ADGRB3: variants seen among roughly 807,000 people sequenced by gnomAD.
The protein encoded by ADGRB3 is brain-specific angiogenesis inhibitor 3.
A neutral mutation model predicts 193.4 loss-of-function variants in ADGRB3; 37 were observed. That is an observed-to-expected ratio of 0.19 (90% confidence interval 0.15 to 0.25). The LOEUF is 0.25. ADGRB3 is among the 10% of genes least tolerant of loss of function. The probability of loss-of-function intolerance (pLI) is 1.00; values close to 1 mark genes in which losing one functional copy is unlikely to be tolerated. For missense variants in ADGRB3, 1,637 were observed against 1,852.9 expected (o/e 0.88, Z 2.14); for synonymous variants, 690 against 644.2 (o/e 1.07, Z -1.08).
chr6:68,852,613 G>A (rs1458379363), intron 3 of ADGRB3, among the ~76,000 whole-genome samples: 1 of 151,924 alleles, frequency 6.6e-6, no homozygotes, highest in East Asian at 1.9e-4. Flanking sequence ...TTTAAAAAAA[G>A]CTCCACCATT....
chr6:68,930,726 A>C, intron 4 of ADGRB3, 57 bp downstream of exon 4: 1 of 1,246,668 alleles, frequency 8.0e-7, no homozygotes. Context: ...AAACCACTGC[A>C]TGTTTTCATA....
intron 3 of ADGRB3, among the ~76,000 whole-genome samples, chr6:68,908,556 C>G (rs935125545): frequency 6.6e-6 from 1 of 152,078 alleles, no homozygotes; most frequent in African/African-American, 2.4e-5. Flanking sequence ...CAACCTCACC[C>G]AATCACAGTC....
chr6:68,741,909 C>G (rs778610098), intron 3 of ADGRB3, among the ~76,000 whole-genome samples: 12 of 152,150 alleles, frequency 7.9e-5, no homozygotes, highest in Admixed American at 7.2e-4. Flanking sequence ...AATTCATTAT[C>G]ATTCACGAGT....
rs1769441905 is a variant in ADGRB3, at chr6:69,361,134, T to A, written c.3861T>A (p.Asp1287Glu). 6.2e-7 allele frequency: 1 copy of A among 1,612,842 alleles called. No homozygotes were observed. Among genetic ancestry groups the A allele is most frequent in the Admixed American group, 1.7e-5 (1 of 59,832 alleles). The change falls in exon 29 of 32, where the codon GAT becomes GAA. Residue 1287 changes from aspartate (D) to glutamate (E), a missense_variant. Asp to Glu is a conservative substitution (Grantham distance 45, BLOSUM62 2). This residue lies in a region of ADGRB3 where 368 missense variants were observed against 367.4 expected (regional missense o/e 1.00). Transcript: ENST00000370598. ...GAACTGTGTACTTATGTACGGATGA[T>A]AATTTGAGAGGGGCTGACATGGACA... ...LRRTVYLCTDDNLRGADMDIV... is the reference protein window; with the variant it reads ...LRRTVYLCTDENLRGADMDIV...
At chr6:69,309,923 C>G (rs1050511604) in intron 20 of ADGRB3, among the ~76,000 whole-genome samples, 1 of 151,576 alleles carries the variant, frequency 6.6e-6, no homozygotes, top group Non-Finnish European at 1.5e-5. Flanking sequence ...AATTATAGCT[C>G]TCCAGAGAAG....
Position 68,636,443 on chromosome 6 carries a change from G to GATAAATAAATAA in ADGRB3, c.-188+469_-188+480dup, listed in dbSNP as rs79779792. ...AATGCTGGTTTGCTTCTCAGCAAGA[G>GATAAATAAATAA]ATAAATAAATAAATAAATAAATAAA... On this transcript the variant is annotated intron_variant, in intron 1 of 31. Transcript: ENST00000370598. Among the ~76,000 whole-genome samples the GATAAATAAATAA allele has an allele frequency of 1.0e-3, 152 of 145,232 alleles. 1 individual carries two copies. The highest frequency in any genetic ancestry group is 3.5e-3 in the Middle Eastern group (1 of 282).
intron 30 of ADGRB3, among the ~76,000 whole-genome samples, chr6:69,373,804 C>T (rs975305486): frequency 6.6e-6 from 1 of 152,024 alleles, no homozygotes; most frequent in Non-Finnish European, 1.5e-5. Flanking sequence ...AATTAACCCA[C>T]TAGGCATCAG....
chr6:69,275,829 T>G (rs1767292085), intron 20 of ADGRB3, among the ~76,000 whole-genome samples: 1 of 152,294 alleles, frequency 6.6e-6, no homozygotes, highest in African/African-American at 2.4e-5. Flanking sequence ...CTTGAGTGTT[T>G]TGAGACTAAT....
At chr6:68,669,602 CATT>C (rs1468725485) in intron 3 of ADGRB3, among the ~76,000 whole-genome samples, 1 of 125,224 alleles carries the variant, frequency 8.0e-6, no homozygotes, top group Admixed American at 8.6e-5. Context: ...AATAATACTC[CATT>C]GTGTGTGTGT....
chr6:69,133,481 C>T (rs775053803), intron 17 of ADGRB3, among the ~76,000 whole-genome samples: 5 of 151,856 alleles, frequency 3.3e-5, no homozygotes, highest in Non-Finnish European at 5.9e-5. Context: ...AATTAATAGC[C>T]TACCAACCAA....
chr6:69,317,021 G>A (rs1475387923), intron 20 of ADGRB3, among the ~76,000 whole-genome samples: 1 of 151,418 alleles, frequency 6.6e-6, no homozygotes, highest in African/African-American at 2.4e-5. Flanking sequence ...TGAGAATAGT[G>A]GTTATCTTTG....
chr6:69,386,684 G>C (rs913647089), intron 31 of ADGRB3, among the ~76,000 whole-genome samples: 1 of 151,852 alleles, frequency 6.6e-6, no homozygotes, highest in Non-Finnish European at 1.5e-5. Context: ...TGGCTTTCCC[G>C]TCTCCGTGTT....
At chr6:69,384,761 G>A (rs1318020333) in intron 31 of ADGRB3, among the ~76,000 whole-genome samples, 1 of 151,816 alleles carries the variant, frequency 6.6e-6, no homozygotes, top group African/African-American at 2.4e-5. Context: ...CTGCTTGACT[G>A]TCATCCTAAA....
chr6:69,109,972 G>A (rs535680476), intron 17 of ADGRB3, among the ~76,000 whole-genome samples: 3 of 145,798 alleles, frequency 2.1e-5, no homozygotes, highest in East Asian at 4.0e-4. Flanking sequence ...TTTTGAGATG[G>A]AGTCTTGCTC....
intron 3 of ADGRB3, among the ~76,000 whole-genome samples, chr6:68,669,441 G>A (rs1459955441): frequency 2.6e-5 from 4 of 151,516 alleles, no homozygotes; most frequent in African/African-American, 9.7e-5. Flanking sequence ...CTCTATGTCC[G>A]TGAGTTCAAT....
intron 17 of ADGRB3, among the ~76,000 whole-genome samples, chr6:69,148,145 G>C (rs946583010): frequency 6.6e-6 from 1 of 152,134 alleles, no homozygotes; most frequent in South Asian, 2.1e-4. Context: ...TTATTGATAA[G>C]TAAGGACTTA....
chr6:68,798,239 A>T (rs1036537399), intron 3 of ADGRB3, among the ~76,000 whole-genome samples: 1 of 152,216 alleles, frequency 6.6e-6, no homozygotes, highest in African/African-American at 2.4e-5. Context: ...ATTTTAATTC[A>T]GTTTGGCAAA....
At chr6:69,057,064 T>C (rs886757287) in intron 15 of ADGRB3, among the ~76,000 whole-genome samples, 2 of 152,154 alleles carry the variant, frequency 1.3e-5, no homozygotes, top group African/African-American at 4.8e-5. Context: ...TATCTGTCTC[T>C]TCCTTCATTT....
At chr6:69,113,899 TACA>T (rs1359350357) in intron 17 of ADGRB3, among the ~76,000 whole-genome samples, 2 of 152,216 alleles carry the variant, frequency 1.3e-5, no homozygotes, top group African/African-American at 4.8e-5. Context: ...GCTGAGTTTA[TACA>T]GCATGGGGGC....
Sources: allele counts gnomAD v4.1 joint callset (sites outside exome capture counted in the v4.1 genomes callset), GRCh38; gene constraint gnomAD v4.1.1; regional missense constraint gnomAD v4.1.1; transcripts MANE v1.5; gene names NCBI Gene and HGNC (gene_info 2026-07-23, HGNC 2026-07-21).